Variants in AKAP4 observed in about 807,000 individuals in gnomAD.
AKAP4 encodes the protein A-kinase anchoring protein 4.
A neutral mutation model predicts 42.6 loss-of-function variants in AKAP4; 4 were observed. The ratio of observed to expected loss-of-function variants is 0.09; its 90% CI spans 0.05 to 0.22. The LOEUF (loss-of-function observed/expected upper bound fraction) is 0.22, where lower values mean the gene tolerates loss of function less well. Among genes scored for constraint, AKAP4 ranks in the 10% least tolerant of loss-of-function variants. The pLI, the probability that AKAP4 is intolerant of heterozygous loss-of-function variation, is 1.00. For synonymous variants in AKAP4, 223 were observed against 233.0 expected, an observed-to-expected ratio of 0.96 and a Z score of 0.39; for missense variants, 551 against 630.7, an observed-to-expected ratio of 0.87 and a Z score of 1.35.
In AKAP4 at chrX:50,193,912, CGCA is replaced by C. The variant is rs1935153042; in HGVS notation, c.798_800del (p.Ala267del). On this transcript the variant is annotated inframe_deletion, in exon 5 of 6. Coordinates refer to ENST00000358526, the MANE Select transcript of AKAP4 (RefSeq NM_003886.3). ...AGGCCATTTCAGAAGCAATCTTGCT[CGCA>C]GGAGTTCGGGGACTGATTCTCTCTT... 1 of 1,211,645 alleles carries C rather than the reference CGCA, an allele frequency of 8.3e-7. No individual in the cohort carries two copies. Among genetic ancestry groups the C allele is most frequent in the Non-Finnish European group, 1.1e-6 (1 of 895,508 alleles).
Position 50,198,642 on chromosome X carries a change from C to T in AKAP4, c.123+15G>A, listed in dbSNP as rs1935221734. 1.0e-5 allele frequency: 12 copies of T among 1,189,626 alleles called. No individual in the cohort carries two copies. The African/African-American group carries it at 1.2e-4, about 12-fold the overall frequency. On this transcript the variant is annotated intron_variant, in intron 2 of 5. Transcript: ENST00000358526. ...ATTTTTCCTACTCCTCGGCATGAGT[C>T]ATTTTTTATCTTACCACTTTCCGGT...
Position 50,193,915 on chromosome X carries a change from A to G in AKAP4, c.798T>C (p.Pro266=), listed in dbSNP as rs1935153123. Residue 266 remains proline, a synonymous_variant, in exon 5 of 6, where the codon CCT becomes CCC. Transcript: ENST00000358526. ...CCATTTCAGAAGCAATCTTGCTCGCAGGAGTTCGGGGACTGATTCTCTCTT... is the reference window on the plus strand; with the variant it reads ...CCATTTCAGAAGCAATCTTGCTCGCGGGAGTTCGGGGACTGATTCTCTCTT... ...GNKERISPRT[P]ASKIASEMAY... 1 of 1,210,300 alleles carries G rather than the reference A, an allele frequency of 8.3e-7. No homozygotes were observed. Among genetic ancestry groups the G allele is most frequent in the Admixed American group, 2.2e-5 (1 of 45,782 alleles).
chrX:50,193,222 A>G lies in AKAP4; in HGVS notation c.1491T>C (p.Gly497=). 8.3e-7 allele frequency: 1 copy of G among 1,211,497 alleles called. No individual in the cohort carries two copies. Among genetic ancestry groups the G allele is most frequent in the Non-Finnish European group, 1.1e-6 (1 of 895,463 alleles). Residue 497 remains glycine (G), a synonymous_variant, in exon 5 of 6, where the codon GGT becomes GGC. Transcript: ENST00000358526. ...CKSLTSAEKV[G]EHILKEGLTI... ...TTAGGCCCTCTTTGAGAATGTGTTC[A>G]CCGACTTTCTCAGCACTAGTCAGTG...
chrX:50,193,186 G>A lies in AKAP4; in HGVS notation c.1527C>T (p.Asn509=), dbSNP rs1195310309. The A allele has an allele frequency of 1.7e-6, 2 of 1,209,912 alleles. No homozygotes were observed. The highest frequency in any genetic ancestry group is 3.0e-5 in the East Asian group (1 of 33,748). The change falls in exon 5 of 6, where the codon AAC becomes AAT. Residue 509 remains asparagine, a synonymous_variant. Coordinates refer to ENST00000358526, the MANE Select transcript of AKAP4 (RefSeq NM_003886.3). ...HILKEGLTIW[N]QKQGNSCKVA... is the part of the protein sequence containing the mutation. ...CCTTGCATGAGTTTCCTTGCTTTTG[G>A]TTCCAGATGGTTAGGCCCTCTTTGA...
chrX:50,194,688 CAATGTGTCAAA>C (rs2146962814), intron 4 of AKAP4, among the ~76,000 whole-genome samples: 1 of 110,002 alleles, frequency 9.1e-6, no homozygotes, highest in African/African-American at 3.3e-5. Context: ...TGTTGTATCT[CAATGTGTCAAA>C]AATGTGTCAG....
intron 1 of AKAP4, among the ~76,000 whole-genome samples, chrX:50,199,901 C>G (rs782766677): frequency 2.4e-5 from 2 of 82,675 alleles, no homozygotes; most frequent in African/African-American, 9.1e-5. Context: ...TCCTTCCACC[C>G]CTTCTCTATT....
chrX:50,192,191 C>A (rs906996710), intron 5 of AKAP4, 113 bp downstream of exon 5: 2 of 691,869 alleles, frequency 2.9e-6, no homozygotes, highest in Non-Finnish European at 4.1e-6. Context: ...ATTCATGAAG[C>A]ACACGGTAAA....
Position 50,194,305 on chromosome X carries a change from A to G in AKAP4, c.408T>C (p.Cys136=), listed in dbSNP as rs1401315593. 8.3e-7 allele frequency: 1 copy of G among 1,206,807 alleles called. No individual in the cohort carries two copies. Among genetic ancestry groups the G allele is most frequent in the Non-Finnish European group, 1.1e-6 (1 of 894,486 alleles). The change falls in exon 5 of 6, where the codon TGT becomes TGC. Residue 136 remains cysteine (C), a synonymous_variant. Transcript: ENST00000358526. ...QHALSPSTST[C]KHKVGDTEGE... Reference sequence around the variant, plus strand: ...CCTCTGTGTCTCCTACTTTATGTTTACAGGTAGAGGTTGAGGGGCTCAGTG... The same window carrying G: ...CCTCTGTGTCTCCTACTTTATGTTTGCAGGTAGAGGTTGAGGGGCTCAGTG...
chrX:50,192,336 A>G lies in AKAP4; in HGVS notation c.2377T>C (p.Phe793Leu), dbSNP rs199856291. The G allele has an allele frequency of 5.5e-5, 66 of 1,201,833 alleles. No individual in the cohort carries two copies. Among genetic ancestry groups the G allele is most frequent in the Non-Finnish European group, 2.9e-5 (26 of 891,802 alleles). Residue 793 changes from phenylalanine (F) to leucine (L), a missense_variant, in exon 5 of 6, where the codon TTC (phenylalanine) becomes CTC (leucine). Phe to Leu is a conservative substitution (Grantham distance 22). Transcript: ENST00000358526. Reference protein sequence around the residue: ...ASQFNVPMLYFMGDKDGQLEK... With the variant: ...ASQFNVPMLYLMGDKDGQLEK... ...AGTTGTCCATCCTTATCTCCCATGA[A>G]GTAGAGCATGGGCACGTTAAACTGG...
chrX:50,198,212 A>T (rs1557204538), intron 2 of AKAP4, among the ~76,000 whole-genome samples: 2 of 111,709 alleles, frequency 1.8e-5, no homozygotes, highest in African/African-American at 3.3e-5. Context: ...AAAAATACAT[A>T]TTAATTAAAT....
chrX:50,198,741 A>C lies in AKAP4; in HGVS notation c.39T>G (p.Asp13Glu). 1 of 1,200,048 alleles carries C rather than the reference A, an allele frequency of 8.3e-7. No homozygotes were observed. The highest frequency in any genetic ancestry group is 1.1e-6 in the Non-Finnish European group (1 of 886,653). ...AYSDTTMMSD[D>E]IDWLRSHRGV... ...CCCTGTGGCTGCGTAACCAGTCAAT[A>C]TCATCAGACATCTGGAAAGAGAAAG... The change falls in exon 2 of 6, where the codon GAT becomes GAG. Residue 13 changes from aspartate to glutamate, a missense_variant. Physicochemically the swap from Asp to Glu is conservative, Grantham distance 45 (BLOSUM62 2). Transcript: ENST00000358526.
chrX:50,200,658 T>C (rs1172651817), intron 1 of AKAP4, among the ~76,000 whole-genome samples: 1 of 112,215 alleles, frequency 8.9e-6, no homozygotes. Flanking sequence ...AATCTAATCA[T>C]ACCCCTACTA....
At position 50,200,268 on chromosome X, in the gene AKAP4, G is replaced by A. The variant is rs1398680389; in HGVS notation, c.27+595C>T. ...TTCTTTTAGATGTTTGGCTGAAAAC[G>A]TGACACCCAGAAGGGAGATGTGCCC... On this transcript the variant is annotated intron_variant, in intron 1 of 5. Transcript: ENST00000358526. 5 of 751,918 alleles carry A rather than the reference G, an allele frequency of 6.6e-6. No homozygotes were observed. In the African/African-American group the frequency reaches 1.2e-4, roughly 17 times the overall value. 62.0% of individuals were successfully genotyped at this position (751,918 alleles called of 1,213,427 possible). A position where few individuals can be genotyped will look rare whatever the true frequency, so the allele number is the denominator to read the frequency against.
chrX:50,200,284 A>G, intron 1 of AKAP4: 1 of 753,901 alleles, frequency 1.3e-6, no homozygotes, highest in Non-Finnish European at 1.6e-6. Flanking sequence ...CCCAGAAGGG[A>G]GATGTGCCCC....
At chrX:50,197,408 G>T in intron 3 of AKAP4, 136 bp downstream of exon 3, 2 of 516,469 alleles carry the variant, frequency 3.9e-6, no homozygotes, top group South Asian at 8.6e-5. Context: ...TTGGGCTCAT[G>T]AGAATGCTGG....
rs782424670 is a variant in AKAP4, at chrX:50,198,701, C to T, written c.79G>A (p.Asp27Asn). ...LRSHRGVCKV[D>N]LYNPEGQQDQ... ...TGCTGTCCTTCTGGGTTGTAGAGATCTACCTTGCACACACCCCTGTGGCTG... is the reference window on the plus strand; with the variant it reads ...TGCTGTCCTTCTGGGTTGTAGAGATTTACCTTGCACACACCCCTGTGGCTG... The change falls in exon 2 of 6, where the codon GAT becomes AAT. Residue 27 changes from aspartate (D) to asparagine (N), a missense_variant. Transcript: ENST00000358526. The T allele has an allele frequency of 1.7e-6, 2 of 1,210,142 alleles. No homozygotes were observed. The highest frequency in any genetic ancestry group is 2.2e-6 in the Non-Finnish European group (2 of 894,556).
intron 1 of AKAP4, among the ~76,000 whole-genome samples, chrX:50,199,756 T>G (rs1557204686): frequency 2.7e-5 from 1 of 36,398 alleles, no homozygotes; most frequent in Admixed American, 4.0e-4. Context: ...ACTCCCGCTC[T>G]CCCTTCTGCC....
At chrX:50,200,715 CAG>C (rs1233847846) in intron 1 of AKAP4, 146 bp downstream of exon 1, 2 of 526,394 alleles carry the variant, frequency 3.8e-6, no homozygotes, top group East Asian at 3.4e-5. Context: ...TACGTAGAAA[CAG>C]AGAAATGTTG....
chrX:50,198,788 T>C (rs782695263), intron 1 of AKAP4, 36 bp from the exon 2 acceptor site: 1 of 1,099,000 alleles, frequency 9.1e-7, no homozygotes, highest in Non-Finnish European at 1.2e-6. Context: ...GAAATGCTTA[T>C]ATATGGTTTT....
Sources: gnomAD v4.1 joint callset for allele counts (sites outside exome capture counted in the v4.1 genomes callset) on GRCh38, gnomAD v4.1.1 for gene constraint, MANE v1.5 for transcripts, NCBI Gene and HGNC (gene_info 2026-07-23, HGNC 2026-07-21) for gene names.